Variants in ZNF638 observed in about 807,000 individuals in gnomAD.
ZNF638 encodes the protein zinc finger protein 638, also known as CTCL tumor antigen se33-1.
Under a neutral mutation model 195.6 loss-of-function variants are expected in ZNF638, and 46 were observed. The observed-to-expected ratio is 0.24, with a 90% CI of 0.19 to 0.30. The LOEUF is 0.30. ZNF638 is among the 10% of genes least tolerant of loss of function. The pLI is 1.00. For missense variants in ZNF638, 2,440 were observed against 2,325.3 expected (o/e 1.05, Z -1.01); for synonymous variants, 845 against 772.0 (o/e 1.09, Z -1.57).
chr2:71,360,981 T>G (rs141713729), intron 3 of ZNF638, among the ~76,000 whole-genome samples: 39 of 152,244 alleles, frequency 2.6e-4, no homozygotes, highest in African/African-American at 9.4e-4. Flanking sequence ...GGTCTGAACT[T>G]GGTGAACCTG....
At position 71,400,134 on chromosome 2, in the gene ZNF638, T is replaced by C; in HGVS notation, c.2610T>C (p.Ser870=). The C allele has an allele frequency of 6.2e-7, 1 of 1,609,490 alleles. No individual in the cohort carries two copies. The change falls in exon 14 of 28, where the codon AGT becomes AGC. Residue 870 remains serine (S), a synonymous_variant. Coordinates refer to ENST00000264447, the MANE Select transcript of ZNF638 (RefSeq NM_014497.5). The part of the protein sequence containing the change: ...TIPENSEIKT[S]IEVKATENCA... Reference sequence around the variant, plus strand: ...CAGAAAACTCTGAAATAAAGACCAGTATTGAAGTCAAAGCCACTGAAAACT... The same window carrying C: ...CAGAAAACTCTGAAATAAAGACCAGCATTGAAGTCAAAGCCACTGAAAACT...
At chr2:71,401,018 A>T (rs988421000) in intron 15 of ZNF638, among the ~76,000 whole-genome samples, 1 of 152,156 alleles carries the variant, frequency 6.6e-6, no homozygotes, top group Non-Finnish European at 1.5e-5. Flanking sequence ...TCATTAATTT[A>T]CATTTTACTG....
At position 71,423,759 on chromosome 2, in the gene ZNF638, A is replaced by T. The variant is rs758374074; in HGVS notation, c.4245A>T (p.Lys1415Asn). Residue 1415 changes from lysine (K) to asparagine (N), a missense_variant, in exon 22 of 28, where the codon AAA (lysine) becomes AAT (asparagine). Lys to Asn is a moderately conservative substitution (Grantham distance 94). Coordinates refer to ENST00000264447, the MANE Select transcript of ZNF638 (RefSeq NM_014497.5). ...KATVSKTENQ[K>N]SFPKSVPRDQ... ...CAGTTTCAAAAACTGAAAATCAGAA[A>T]AGTTTTCCAAAATCTGTGCCCAGAG... 1.3e-5 allele frequency: 21 copies of T among 1,613,972 alleles called. No homozygotes were observed. Among genetic ancestry groups the T allele is most frequent in the Non-Finnish European group, 1.8e-5 (21 of 1,180,012 alleles).
Position 71,399,627 on chromosome 2 carries a change from A to C in ZNF638, c.2569A>C (p.Lys857Gln), listed in dbSNP as rs1239762296. The C allele has an allele frequency of 1.2e-6, 2 of 1,612,430 alleles. No individual in the cohort carries two copies. Among genetic ancestry groups the C allele is most frequent in the Admixed American group, 3.3e-5 (2 of 59,826 alleles). The change falls in exon 13 of 28, where the codon AAA becomes CAA. Residue 857 changes from lysine (K) to glutamine (Q), a missense_variant. This residue lies in a region of ZNF638 where 1,883 missense variants were observed against 1,739.1 expected (regional missense o/e 1.08). Transcript: ENST00000264447. Reference protein sequence around the residue: ...TGNVKNKDSNKPVTIPENSEI... With the variant: ...TGNVKNKDSNQPVTIPENSEI... The stretch of plus-strand genomic sequence containing the variant: ...GAATGTCAAAAACAAAGACTCTAAC[A>C]AACCTGTGACTATACCAGGTAAGCT...
chr2:71,427,785 AT>A (rs1437292543), intron 24 of ZNF638, among the ~76,000 whole-genome samples: 5 of 152,240 alleles, frequency 3.3e-5, no homozygotes, highest in African/African-American at 9.6e-5. Flanking sequence ...TAGACTTAGA[AT>A]TAAGAACTAT....
At chr2:71,391,895 G>A (rs889968623) in intron 10 of ZNF638, among the ~76,000 whole-genome samples, 4 of 152,096 alleles carry the variant, frequency 2.6e-5, no homozygotes, top group Non-Finnish European at 4.4e-5. Flanking sequence ...ATAGATCCAC[G>A]ATATTCAGTT....
rs371418440 is a variant in ZNF638, at chr2:71,423,831, G to A, written c.4317G>A (p.Leu1439=). The A allele has an allele frequency of 6.2e-7, 1 of 1,614,006 alleles. No individual in the cohort carries two copies. Among genetic ancestry groups the A allele is most frequent in the African/African-American group, 1.3e-5 (1 of 74,932 alleles). Residue 1439 remains leucine, a synonymous_variant, in exon 22 of 28, where the codon CTG becomes CTA. Transcript: ENST00000264447. ...EKKLSAKEFG[L]LKPTSARSGL... ...AACTTTCAGCCAAGGAATTTGGTCTGCTTAAACCCACAAGTGCCAGGTCAG... is the reference window on the plus strand; with the variant it reads ...AACTTTCAGCCAAGGAATTTGGTCTACTTAAACCCACAAGTGCCAGGTCAG...
At position 71,427,163 on chromosome 2, in the gene ZNF638, T is replaced by C; in HGVS notation, c.5294T>C (p.Phe1765Ser). ...GAGGATGAAGACTCTCTGGCGGATTTTAACAACCTTAAAGAAGAGCTTAAT... is the reference window on the plus strand; with the variant it reads ...GAGGATGAAGACTCTCTGGCGGATTCTAACAACCTTAAAGAAGAGCTTAAT... ...TEEDEDSLAD[F>S]NNLKEELNFV... Residue 1765 changes from phenylalanine to serine, a missense_variant, in exon 24 of 28, where the codon TTT (phenylalanine) becomes TCT (serine). Phe to Ser is a radical substitution (Grantham distance 155). Transcript: ENST00000264447. 6.2e-7 allele frequency: 1 copy of C among 1,612,620 alleles called. No homozygotes were observed.
Position 71,427,255 on chromosome 2 carries a change from C to G in ZNF638, c.5386C>G (p.Gln1796Glu), listed in dbSNP as rs1434592848. ...GDNDLKVELA[Q>E]SKNDHPTDKK... Reference sequence around the variant, plus strand: ...TAATGATTTAAAAGTTGAGTTAGCACAAAGCAAAAATGACCATCCCACAGA... The same window carrying G: ...TAATGATTTAAAAGTTGAGTTAGCAGAAAGCAAAAATGACCATCCCACAGA... Residue 1796 changes from glutamine (Q) to glutamate (E), a missense_variant, in exon 24 of 28, where the codon CAA becomes GAA. Physicochemically the swap from Gln to Glu is conservative, Grantham distance 29. Coordinates refer to ENST00000264447, the MANE Select transcript of ZNF638 (RefSeq NM_014497.5). The G allele has an allele frequency of 6.2e-7, 1 of 1,612,856 alleles. No individual in the cohort carries two copies. The highest frequency in any genetic ancestry group is 8.5e-7 in the Non-Finnish European group (1 of 1,179,746).
chr2:71,351,807 A>G (rs1410602658), intron 2 of ZNF638, among the ~76,000 whole-genome samples: 2 of 152,188 alleles, frequency 1.3e-5, no homozygotes, highest in East Asian at 1.9e-4. Flanking sequence ...TGCTCCCAAG[A>G]CATTTAAAAC....
At chr2:71,395,368 A>G in intron 10 of ZNF638, 1 of 707,480 alleles carries the variant, frequency 1.4e-6, no homozygotes. Flanking sequence ...GTAGGAGATC[A>G]GTCAGGGTGG....
Position 71,427,069 on chromosome 2 carries a change from G to A in ZNF638, c.5200G>A (p.Val1734Ile). The A allele has an allele frequency of 6.2e-7, 1 of 1,614,102 alleles. No homozygotes were observed. Among genetic ancestry groups the A allele is most frequent in the Non-Finnish European group, 8.5e-7 (1 of 1,179,980 alleles). Residue 1734 changes from valine (V) to isoleucine (I), a missense_variant, in exon 24 of 28, where the codon GTT (valine) becomes ATT (isoleucine). Coordinates refer to ENST00000264447, the MANE Select transcript of ZNF638 (RefSeq NM_014497.5). Reference sequence around the variant, plus strand: ...GGTGCCCGAAGACCCTTCTACTTTAGTTACTGTAGATGAAATACAAGATGA... The same window carrying A: ...GGTGCCCGAAGACCCTTCTACTTTAATTACTGTAGATGAAATACAAGATGA... ...SQVPEDPSTL[V>I]TVDEIQDDSS...
chr2:71,339,785 G>A (rs1046470308), intron 1 of ZNF638, among the ~76,000 whole-genome samples: 6 of 152,118 alleles, frequency 3.9e-5, no homozygotes, highest in African/African-American at 1.4e-4. Context: ...AAATCCTAGG[G>A]AAGATTTCTT....
At chr2:71,427,436 T>G in intron 24 of ZNF638, 22 bp downstream of exon 24, 6 of 1,492,324 alleles carry the variant, frequency 4.0e-6, no homozygotes, top group Non-Finnish European at 5.4e-6. Flanking sequence ...GAAGGGGTAG[T>G]CTTTCTGTTT....
Position 71,401,981 on chromosome 2 carries a change from T to G in ZNF638, c.2723T>G (p.Leu908Arg). 1 of 1,592,652 alleles carries G rather than the reference T, an allele frequency of 6.3e-7. No homozygotes were observed. Among genetic ancestry groups the G allele is most frequent in the Non-Finnish European group, 8.6e-7 (1 of 1,169,252 alleles). The change falls in exon 16 of 28, where the codon CTT becomes CGT. Residue 908 changes from leucine (L) to arginine (R), a missense_variant. By Grantham distance (102) the Leu-to-Arg change is moderately radical. Transcript: ENST00000264447. ...GAAACAGAAGAAATGTGTGTGATGC[T>G]TGTCTCTAATTTGCCTAATAAAGGA... ...NKETEEMCVM[L>R]VSNLPNKGYS...
Position 71,424,643 on chromosome 2 carries a change from A to G in ZNF638, c.4525-7A>G, listed in dbSNP as rs758628916. 1.8e-5 allele frequency: 29 copies of G among 1,607,056 alleles called. No individual in the cohort carries two copies. The highest frequency in any genetic ancestry group is 2.1e-5 in the Non-Finnish European group (25 of 1,176,582). On this transcript the variant is annotated splice_region_variant and splice_polypyrimidine_tract_variant and intron_variant, in intron 22 of 27. Transcript: ENST00000264447. Reference sequence around the variant, plus strand: ...CGTTTTTCTGTATTTCTTATTTACTATTTCAGACTTTGGCTGAGCAAAACA... The same window carrying G: ...CGTTTTTCTGTATTTCTTATTTACTGTTTCAGACTTTGGCTGAGCAAAACA...
chr2:71,406,224 A>G lies in ZNF638; in HGVS notation c.3097A>G (p.Lys1033Glu). 6.2e-7 allele frequency: 1 copy of G among 1,613,018 alleles called. No homozygotes were observed. The change falls in exon 19 of 28, where the codon AAA becomes GAA. Residue 1033 changes from lysine (K) to glutamate (E), a missense_variant. This residue lies in a region of ZNF638 where 1,883 missense variants were observed against 1,739.1 expected (regional missense o/e 1.08). Coordinates refer to ENST00000264447, the MANE Select transcript of ZNF638 (RefSeq NM_014497.5). ...ACTTTGTGTTGGACTTCAGTTTGGA[A>G]AAGTGGATCACCATGTATTCATAAG... Reference protein sequence around the residue: ...CVLCVGLQFGKVDHHVFISNR... With the variant: ...CVLCVGLQFGEVDHHVFISNR...
intron 4 of ZNF638, among the ~76,000 whole-genome samples, chr2:71,363,734 C>T (rs909967899): frequency 6.6e-6 from 1 of 152,168 alleles, no homozygotes. Context: ...AAACAGACAT[C>T]CAAGCAATTG....
chr2:71,348,482 T>C, intron 1 of ZNF638: 2 of 1,033,730 alleles, frequency 1.9e-6, no homozygotes, highest in Non-Finnish European at 2.3e-6. Flanking sequence ...AAAGGAGTTG[T>C]AATTACTGCT....
Sources: allele counts gnomAD v4.1 joint callset (sites outside exome capture counted in the v4.1 genomes callset), GRCh38; gene constraint gnomAD v4.1.1; regional missense constraint gnomAD v4.1.1; transcripts MANE v1.5; gene names NCBI Gene and HGNC (gene_info 2026-07-23, HGNC 2026-07-21).